RASGRF1: variants seen among roughly 807,000 people sequenced by gnomAD.
RASGRF1 encodes the protein Ras protein specific guanine nucleotide releasing factor 1, also known as ras-specific guanine nucleotide-releasing factor 1.
A neutral mutation model predicts 138.7 loss-of-function variants in RASGRF1; 40 were observed. The observed-to-expected ratio is 0.29, with a 90% confidence interval of 0.22 to 0.38. The LOEUF (loss-of-function observed/expected upper bound fraction) is 0.38. RASGRF1 is among the 10% of genes least tolerant of loss of function. The pLI is 1.00. For missense variants in RASGRF1, 1,108 were observed against 1,650.4 expected, an observed-to-expected ratio of 0.67 and a Z score of 5.69; for synonymous variants, 614 against 663.2, an observed-to-expected ratio of 0.93 and a Z score of 1.14.
At chr15:79,018,427 T>G (rs2056911713) in intron 11 of RASGRF1, among the ~76,000 whole-genome samples, 1 of 152,270 alleles carries the variant, frequency 6.6e-6, no homozygotes, top group African/African-American at 2.4e-5. Flanking sequence ...GCTCTTAACC[T>G]GAAAGTCCCT....
At chr15:79,015,199 C>T (rs1005112762) in intron 13 of RASGRF1, 128 bp downstream of exon 13, 7 of 809,574 alleles carry the variant, frequency 8.6e-6, no homozygotes, top group Non-Finnish European at 1.4e-5. Flanking sequence ...ACATCCAAAA[C>T]ACCCCCAAAG....
chr15:78,995,290 C>CT (rs35098582), intron 20 of RASGRF1, among the ~76,000 whole-genome samples: 32,111 of 132,068 alleles, frequency 0.24, 4,111 homozygotes, highest in Non-Finnish European at 0.26. Flanking sequence ...TTTTTTCTTT[C>CT]TTTTTTTTTT....
At chr15:78,962,484 C>G (rs887381443) in intron 26 of RASGRF1, among the ~76,000 whole-genome samples, 1 of 152,164 alleles carries the variant, frequency 6.6e-6, no homozygotes, top group African/African-American at 2.4e-5. Context: ...AAAAAAAAGT[C>G]AATTGTAGAA....
At chr15:79,002,031 G>A (rs2056540856) in intron 15 of RASGRF1, among the ~76,000 whole-genome samples, 1 of 152,160 alleles carries the variant, frequency 6.6e-6, no homozygotes, top group African/African-American at 2.4e-5. Flanking sequence ...AACCTTACCA[G>A]ACACACCTGG....
intron 1 of RASGRF1, among the ~76,000 whole-genome samples, chr15:79,068,529 A>T (rs1176245276): frequency 2.7e-5 from 4 of 149,010 alleles, no homozygotes. Context: ...ATAAGTATAT[A>T]TATACATACA....
intron 5 of RASGRF1, among the ~76,000 whole-genome samples, chr15:79,043,246 T>C (rs552012125): frequency 6.6e-6 from 1 of 152,344 alleles, no homozygotes; most frequent in South Asian, 2.1e-4. Flanking sequence ...TTTTTATATA[T>C]TGCTAGATTC....
rs541618182 is a variant in RASGRF1, at chr15:78,962,709, C to A, written c.3682-473G>T. 3.0e-4 allele frequency among the ~76,000 whole-genome samples: 46 copies of A among 152,114 alleles called. No homozygotes were observed. In the South Asian group the frequency reaches 3.9e-3, roughly 13 times the overall value. On this transcript the variant is annotated intron_variant, in intron 26 of 26. Coordinates refer to ENST00000558480, the MANE Select transcript of RASGRF1 (RefSeq NM_001145648.3). ...ACCAGCTTGGGCAACAAAGTGAGAC[C>A]CTGTTTCTACAAAAAATCAAAAAAG...
At position 79,073,232 on chromosome 15, in the gene RASGRF1, C is replaced by T. The variant is rs761811241; in HGVS notation, c.277-8706G>A. Among the ~76,000 whole-genome samples the T allele has an allele frequency of 9.2e-5, 14 of 151,904 alleles. No individual in the cohort carries two copies. Among genetic ancestry groups the T allele is most frequent in the South Asian group, 4.2e-4 (2 of 4,808 alleles). On this transcript the variant is annotated intron_variant, in intron 1 of 26. Transcript: ENST00000558480. This position sits in a 1 kb window ranked among gnomAD's most constrained non-coding sequence, Gnocchi z 4.2. ...TTGCTGGAATAGATCTAGTATCCCC[C>T]GCAGTCCTCCACCAGACTGCCCAGA...
chr15:79,025,609 C>T (rs1271954650), intron 9 of RASGRF1, 135 bp from the exon 10 acceptor site: 5 of 1,077,162 alleles, frequency 4.6e-6, no homozygotes, highest in Non-Finnish European at 2.6e-6. Context: ...AAATGTGCCC[C>T]TGGGATACTC....
chr15:79,006,886 C>T lies in RASGRF1; in HGVS notation c.1827-452G>A, dbSNP rs565819692. Among the ~76,000 whole-genome samples the T allele has an allele frequency of 1.5e-4, 23 of 152,230 alleles. No homozygotes were observed. The highest frequency in any genetic ancestry group is 5.5e-4 in the African/African-American group (23 of 41,512). ...AGTTAGCTAGGTGTGGTGGCCCATA[C>T]CTGTAATACCAGTTACTAGGGAGGC... On this transcript the variant is annotated intron_variant, in intron 13 of 26. Transcript: ENST00000558480. The surrounding 1 kb of genome is among the most constrained non-coding windows in gnomAD (Gnocchi z 4.0).
At chr15:78,997,938 C>G (rs945581524) in intron 19 of RASGRF1, 158 bp downstream of exon 19, 9 of 630,384 alleles carry the variant, frequency 1.4e-5, no homozygotes, top group Admixed American at 2.6e-5. Context: ...TGAGCCTGCC[C>G]CCAAGAGCTC....
intron 22 of RASGRF1, among the ~76,000 whole-genome samples, chr15:78,987,467 G>A (rs1023291465): frequency 2.7e-4 from 41 of 152,104 alleles, no homozygotes; most frequent in African/African-American, 9.2e-4. Flanking sequence ...GAGCTGAGGC[G>A]GGTGGATCAC....
At chr15:79,077,526 C>T (rs2057850976) in intron 1 of RASGRF1, among the ~76,000 whole-genome samples, 1 of 152,156 alleles carries the variant, frequency 6.6e-6, no homozygotes, top group South Asian at 2.1e-4. Flanking sequence ...TGCACACATA[C>T]ACACAACGTA....
At chr15:79,089,391 AC>A (rs2058022298) in intron 1 of RASGRF1, among the ~76,000 whole-genome samples, 1 of 151,928 alleles carries the variant, frequency 6.6e-6, no homozygotes, top group East Asian at 1.9e-4. Flanking sequence ...CCAGAGGCTC[AC>A]CCCCACCCCG....
chr15:78,973,466 T>A lies in RASGRF1; in HGVS notation c.3495-46A>T. ...ACACAAGTTTTTCATTTTAAAAAAG[T>A]AACGTCTACCAAGAACAGAACATCC... On this transcript the variant is annotated intron_variant, in intron 24 of 26. Transcript: ENST00000558480. The surrounding 1 kb of genome is among the most constrained non-coding windows in gnomAD (Gnocchi z 4.9). 7.1e-7 allele frequency: 1 copy of A among 1,412,608 alleles called. No individual in the cohort carries two copies. Among genetic ancestry groups the A allele is most frequent in the Non-Finnish European group, 9.9e-7 (1 of 1,006,302 alleles). 87.5% of individuals were successfully genotyped at this position (1,412,608 alleles called of 1,614,324 possible).
chr15:78,995,656 G>C (rs182826024), intron 20 of RASGRF1, 84 bp downstream of exon 20: 15 of 1,473,716 alleles, frequency 1.0e-5, no homozygotes, highest in Middle Eastern at 3.5e-4. Context: ...AATGAATACG[G>C]GTGATGCCTG....
In RASGRF1 at chr15:79,046,732, T is replaced by G. The variant is rs201716684; in HGVS notation, c.878+14A>C. The G allele has an allele frequency of 8.7e-4, 1,410 of 1,613,716 alleles. 1 individual carries two copies. The highest frequency in any genetic ancestry group is 1.0e-3 in the Non-Finnish European group (1,238 of 1,179,602). The stretch of plus-strand genomic sequence containing the variant: ...GTCTCCTTCCTGCCTTGGCCAACCT[T>G]TAGGGGTGCTCACCTGTTCAGGAAG... On this transcript the variant is annotated intron_variant, in intron 5 of 26. Coordinates refer to ENST00000558480, the MANE Select transcript of RASGRF1 (RefSeq NM_001145648.3). This position sits in a 1 kb window ranked among gnomAD's most constrained non-coding sequence, Gnocchi z 5.3.
At chr15:79,077,166 C>T (rs1207471821) in intron 1 of RASGRF1, among the ~76,000 whole-genome samples, 1 of 152,146 alleles carries the variant, frequency 6.6e-6, no homozygotes, top group African/African-American at 2.4e-5. Context: ...TATTAATATT[C>T]CATAAAACCA....
rs1001620731 is a variant in RASGRF1 at position 79,027,989 on chromosome 15, C to A, written c.1263-130G>T. The A allele has an allele frequency of 7.6e-6, 7 of 918,782 alleles. No individual in the cohort carries two copies. The highest frequency in any genetic ancestry group is 1.2e-5 in the Non-Finnish European group (7 of 580,734). 56.9% of individuals were successfully genotyped at this position (918,782 alleles called of 1,614,324 possible). On this transcript the variant is annotated intron_variant, in intron 8 of 26. Coordinates refer to ENST00000558480, the MANE Select transcript of RASGRF1 (RefSeq NM_001145648.3). This position sits in a 1 kb window ranked among gnomAD's most constrained non-coding sequence, Gnocchi z 4.8. The stretch of plus-strand genomic sequence containing the variant: ...AGGATTCTCAGGTGGAGTCTGTGGT[C>A]ATGGAGGGGAAGGGAGTGTGCATTT...
Sources: allele counts gnomAD v4.1 joint callset (sites outside exome capture counted in the v4.1 genomes callset), GRCh38; gene constraint gnomAD v4.1.1; non-coding constraint Gnocchi (gnomAD v3.1); transcripts MANE v1.5; gene names NCBI Gene and HGNC (gene_info 2026-07-23, HGNC 2026-07-21).